Variants in RIN3 observed in about 807,000 individuals in gnomAD.
RIN3 encodes Ras and Rab interactor 3, also known as RAB5 interacting protein 3.
In RIN3, 54 loss-of-function variants were observed where a neutral mutation model predicts 76.3. That is an observed-to-expected ratio of 0.71 (90% confidence interval 0.57 to 0.89). RIN3 has a LOEUF of 0.89. Among genes scored for constraint, RIN3 ranks in the 40% least tolerant of loss-of-function variants. The probability of loss-of-function intolerance (pLI) is 0.00; values close to 1 mark genes in which losing one functional copy is unlikely to be tolerated. For synonymous variants in RIN3, 576 were observed against 564.0 expected, an observed-to-expected ratio of 1.02 and a Z score of -0.30; for missense variants, 1,256 against 1,322.1, an observed-to-expected ratio of 0.95 and a Z score of 0.78.
chr14:92,647,484 T>C (rs1356944004), intron 5 of RIN3, among the ~76,000 whole-genome samples: 3 of 152,206 alleles, frequency 2.0e-5, no homozygotes, highest in Admixed American at 1.3e-4. Flanking sequence ...TTCAAAAATA[T>C]GTTTAGGAAA....
At position 92,514,748 on chromosome 14, in the gene RIN3, C is replaced by T. The variant is rs1288335042; in HGVS notation, c.44+772C>T. Among the ~76,000 whole-genome samples the T allele has an allele frequency of 6.6e-6, 1 of 152,232 alleles. No individual in the cohort carries two copies. Among genetic ancestry groups the T allele is most frequent in the African/African-American group, 2.4e-5 (1 of 41,478 alleles). ...CCACCTCGCGAGCTCGGGCATTGCT[C>T]GGGGCTGGGCTCTGGGAGAAAGTCC... On this transcript the variant is annotated intron_variant, in intron 1 of 9. Transcript: ENST00000216487. The surrounding 1 kb of genome is among the most constrained non-coding windows in gnomAD (Gnocchi z 7.2).
intron 1 of RIN3, among the ~76,000 whole-genome samples, chr14:92,525,497 G>C (rs930845694): frequency 6.6e-6 from 1 of 152,114 alleles, no homozygotes; most frequent in African/African-American, 2.4e-5. Flanking sequence ...TTAATATATG[G>C]TGTGTTGATG....
rs775754350 is a variant in RIN3 at position 92,641,342 on chromosome 14, C to T, written c.532+13C>T. 3.0e-5 allele frequency: 48 copies of T among 1,604,890 alleles called. No individual in the cohort carries two copies. Among genetic ancestry groups the T allele is most frequent in the African/African-American group, 4.0e-5 (3 of 74,674 alleles). ...AACCTGGGTCTGGGTGAGTCTTCTC[C>T]GAGGGGTTAGGGGAGCTGGTGGGGC... is the stretch of plus-strand genomic sequence containing the variant. On this transcript the variant is annotated intron_variant, in intron 5 of 9. Transcript: ENST00000216487.
intron 3 of RIN3, among the ~76,000 whole-genome samples, chr14:92,590,134 T>G (rs574450046): frequency 6.6e-6 from 1 of 152,294 alleles, no homozygotes; most frequent in Non-Finnish European, 1.5e-5. Flanking sequence ...CCTCCACACT[T>G]TTGTGAGTTT....
At chr14:92,589,686 G>T (rs1287365827) in intron 3 of RIN3, among the ~76,000 whole-genome samples, 1 of 152,140 alleles carries the variant, frequency 6.6e-6, no homozygotes, top group Non-Finnish European at 1.5e-5. Context: ...CTGAAACTTT[G>T]TGCAATAATA....
intron 8 of RIN3, among the ~76,000 whole-genome samples, chr14:92,680,094 G>A (rs1888610650): frequency 2.0e-5 from 3 of 152,138 alleles, no homozygotes; most frequent in Admixed American, 2.0e-4. Context: ...CAAGATCAAG[G>A]CACCAGCAGA....
Position 92,648,816 on chromosome 14 carries a change from A to G in RIN3, c.533-2766A>G, listed in dbSNP as rs1448167378. Among the ~76,000 whole-genome samples the G allele has an allele frequency of 6.6e-6, 1 of 152,242 alleles. No individual in the cohort carries two copies. Among genetic ancestry groups the G allele is most frequent in the Non-Finnish European group, 1.5e-5 (1 of 68,036 alleles). ...CTGCAGGAACACAGGCGGGGTGGGC[A>G]AGGCCTGAGCACATCAGGGAGGCGC... On this transcript the variant is annotated intron_variant, in intron 5 of 9. Coordinates refer to ENST00000216487, the MANE Select transcript of RIN3 (RefSeq NM_024832.5). The surrounding 1 kb of genome is among the most constrained non-coding windows in gnomAD (Gnocchi z 4.1).
intron 9 of RIN3, chr14:92,687,615 A>G (rs1595513364): frequency 1.8e-5 from 6 of 339,590 alleles, no homozygotes; most frequent in South Asian, 1.6e-4. Context: ...GAGGGAGGGA[A>G]TGAATGAATG....
Position 92,685,230 on chromosome 14 carries a change from G to C in RIN3, c.2631+80G>C. The C allele has an allele frequency of 7.0e-7, 1 of 1,434,784 alleles. No individual in the cohort carries two copies. 88.9% of individuals were successfully genotyped at this position (1,434,784 alleles called of 1,614,324 possible). A position where few individuals can be genotyped will look rare whatever the true frequency, so the allele number is the denominator to read the frequency against. ...TGCTGCCTGCTGGCTAAGGAGCCGT[G>C]ACATCACCTGGCTGCTCCAGCCGCC... On this transcript the variant is annotated intron_variant, in intron 9 of 9. Transcript: ENST00000216487. This position sits in a 1 kb window ranked among gnomAD's most constrained non-coding sequence, Gnocchi z 4.7.
At chr14:92,608,682 C>T (rs1885615532) in intron 3 of RIN3, among the ~76,000 whole-genome samples, 1 of 151,972 alleles carries the variant, frequency 6.6e-6, no homozygotes, top group Non-Finnish European at 1.5e-5. Context: ...TTACAGGCAC[C>T]TGCCACAATG....
chr14:92,579,596 G>A (rs1327912174), intron 3 of RIN3, among the ~76,000 whole-genome samples: 1 of 152,234 alleles, frequency 6.6e-6, no homozygotes, highest in Non-Finnish European at 1.5e-5. Flanking sequence ...TCTTGTAAAT[G>A]GATCCATCTC....
chr14:92,576,395 T>G (rs755219844), intron 2 of RIN3: 26 of 1,289,676 alleles, frequency 2.0e-5, no homozygotes, highest in Non-Finnish European at 2.5e-5. Context: ...AGTATTTGGT[T>G]TCTAGAGCAC....
At chr14:92,614,045 T>C (rs1275577123) in intron 3 of RIN3, among the ~76,000 whole-genome samples, 1 of 152,212 alleles carries the variant, frequency 6.6e-6, no homozygotes, top group East Asian at 1.9e-4. Flanking sequence ...GGGCAGAGCA[T>C]GGTGCCGTGT....
intron 3 of RIN3, among the ~76,000 whole-genome samples, chr14:92,584,112 T>A (rs866188636): frequency 7.9e-5 from 12 of 152,140 alleles, no homozygotes; most frequent in African/African-American, 2.9e-4. Context: ...ACTATGCCAT[T>A]TCATATCAAG....
At chr14:92,664,380 T>TTTTC (rs1887999522) in intron 7 of RIN3, among the ~76,000 whole-genome samples, 1 of 142,708 alleles carries the variant, frequency 7.0e-6, no homozygotes, top group Non-Finnish European at 1.5e-5. Flanking sequence ...TTTTTTTTTT[T>TTTTC]TTTTTGAGAT....
rs1566886882 is a variant in RIN3, at chr14:92,651,882, G to A, written c.833G>A (p.Arg278His). 1.5e-5 allele frequency: 24 copies of A among 1,555,172 alleles called. No homozygotes were observed. The South Asian group carries it at 2.0e-4, about 13-fold the overall frequency. ...ATSPTSRWAP[R>H]RPPPPPPVLP... ...TCACCCACCTCCAGGTGGGCCCCAC[G>A]CCGCCCACCACCCCCTCCCCCAGTG... Residue 278 changes from arginine to histidine, a missense_variant, in exon 6 of 10, where the codon CGC becomes CAC. Around this residue, in one of 3 missense-constraint regions of RIN3, gnomAD observed 610 missense variants for 626.4 expected, o/e 0.97. Coordinates refer to ENST00000216487, the MANE Select transcript of RIN3 (RefSeq NM_024832.5).
intron 8 of RIN3, among the ~76,000 whole-genome samples, chr14:92,680,247 T>A (rs535898162): frequency 7.6e-4 from 114 of 150,448 alleles, no homozygotes; most frequent in African/African-American, 2.2e-3. Context: ...TCACCCGGAC[T>A]GGAGTGCAGT....
chr14:92,684,654 C>T (rs975624838), intron 8 of RIN3, among the ~76,000 whole-genome samples: 3 of 152,128 alleles, frequency 2.0e-5, no homozygotes, highest in African/African-American at 7.2e-5. Flanking sequence ...CCACCCCTTT[C>T]CCCACACTGA....
intron 6 of RIN3, among the ~76,000 whole-genome samples, chr14:92,658,913 G>C (rs958350337): frequency 1.3e-5 from 2 of 152,220 alleles, no homozygotes; most frequent in African/African-American, 4.8e-5. Flanking sequence ...CCTGTGAAAA[G>C]CATCAGGATA....
Sources: allele counts gnomAD v4.1 joint callset (sites outside exome capture counted in the v4.1 genomes callset), GRCh38; gene constraint gnomAD v4.1.1; regional missense constraint gnomAD v4.1.1; non-coding constraint Gnocchi (gnomAD v3.1); transcripts MANE v1.5; gene names NCBI Gene and HGNC (gene_info 2026-07-23, HGNC 2026-07-21).